Variants in PRKN observed in about 807,000 individuals in gnomAD.
PRKN encodes E3 ubiquitin-protein ligase parkin.
PRKN carries 56 observed loss-of-function variants against 59.5 expected under a neutral mutation model. That is an observed-to-expected ratio of 0.94 (90% CI 0.76 to 1.18). The LOEUF is 1.18. Ranked by LOEUF, PRKN falls within the 50% of genes most tolerant of loss-of-function variation. The pLI, the probability that PRKN is intolerant of heterozygous loss-of-function variation, is 0.00. For missense variants in PRKN, 657 were observed against 596.4 expected (o/e 1.10, Z -1.06); for synonymous variants, 250 against 222.1 (o/e 1.13, Z -1.12).
chr6:162,505,318 T>C (rs552365628), intron 1 of PRKN, among the ~76,000 whole-genome samples: 60 of 152,326 alleles, frequency 3.9e-4, no homozygotes, highest in African/African-American at 1.3e-3. Context: ...AATGATTACA[T>C]GCATTGTGGT....
At chr6:162,558,601 T>C (rs1469098065) in intron 1 of PRKN, among the ~76,000 whole-genome samples, 2 of 152,122 alleles carry the variant, frequency 1.3e-5, no homozygotes, top group Non-Finnish European at 2.9e-5. Flanking sequence ...AGTGCTGGGA[T>C]TACAGGCATG....
intron 1 of PRKN, among the ~76,000 whole-genome samples, chr6:162,562,472 T>A (rs2128206486): frequency 6.6e-6 from 1 of 152,214 alleles, no homozygotes; most frequent in African/African-American, 2.4e-5. Context: ...TCCACTGCTC[T>A]GAAGGGTGAG....
chr6:162,440,473 T>C (rs1789998944), intron 2 of PRKN, among the ~76,000 whole-genome samples: 1 of 152,200 alleles, frequency 6.6e-6, no homozygotes, highest in Non-Finnish European at 1.5e-5. Context: ...TACTGCTCAG[T>C]ATGTGGGGTG....
At chr6:162,011,646 A>T (rs1482729479) in intron 5 of PRKN, among the ~76,000 whole-genome samples, 1 of 147,774 alleles carries the variant, frequency 6.8e-6, no homozygotes, top group Non-Finnish European at 1.5e-5. Context: ...TTATTGTTAC[A>T]GCAAAAACCT....
intron 1 of PRKN, among the ~76,000 whole-genome samples, chr6:162,588,381 C>T (rs976676167): frequency 4.7e-5 from 7 of 150,068 alleles, no homozygotes; most frequent in Non-Finnish European, 1.0e-4. Context: ...ATGTAATATT[C>T]CTCACATTAA....
intron 3 of PRKN, among the ~76,000 whole-genome samples, chr6:162,249,415 G>T (rs1779333954): frequency 6.6e-6 from 1 of 152,116 alleles, no homozygotes; most frequent in African/African-American, 2.4e-5. Context: ...AAACACAGCG[G>T]CACGCTAGTC....
rs9365371 is a variant in PRKN at position 162,095,928 on chromosome 6, T to C, written c.535-41754A>G. On this transcript the variant is annotated intron_variant, in intron 4 of 11. Coordinates refer to ENST00000366898, the MANE Select transcript of PRKN (RefSeq NM_004562.3). ...GAGAGGATAAAGTTAAAGAAGATCC[T>C]GGACACACACCCACAGTGCCTAACA... Among the ~76,000 whole-genome samples, 6,643 of 152,260 alleles carry C rather than the reference T, an allele frequency of 0.044. 911 individuals are homozygous for C. In the East Asian group the frequency reaches 0.55, roughly 13 times the overall value.
chr6:162,279,964 T>C (rs1780812455), intron 2 of PRKN, among the ~76,000 whole-genome samples: 1 of 152,184 alleles, frequency 6.6e-6, no homozygotes, highest in Non-Finnish European at 1.5e-5. Context: ...GTTGGTTTAA[T>C]GTCTGTTTTA....
At position 161,709,979 on chromosome 6, in the gene PRKN, C is replaced by A. The variant is rs964181357; in HGVS notation, c.871+75793G>T. On this transcript the variant is annotated intron_variant, in intron 7 of 11. Transcript: ENST00000366898. The stretch of plus-strand genomic sequence containing the variant: ...TATCACTCTTCCTCAACAGTCAGTG[C>A]TTCATGGAGATTTCAGTGAGCTTTC... Among the ~76,000 whole-genome samples the A allele has an allele frequency of 2.0e-5, 3 of 152,052 alleles. No homozygotes were observed. The South Asian group carries it at 6.2e-4, about 32-fold the overall frequency.
chr6:161,634,128 T>C (rs35265056), intron 7 of PRKN, among the ~76,000 whole-genome samples: 44,442 of 151,824 alleles, frequency 0.29, 7,068 homozygotes, highest in Middle Eastern at 0.44. Flanking sequence ...TTCTGTCCCA[T>C]AGGTGAGTCA....
At position 162,443,393 on chromosome 6, in the gene PRKN, C is replaced by T. The variant is rs1790157119; in HGVS notation, c.88G>A (p.Val30Ile). 4 of 1,614,050 alleles carry T rather than the reference C, an allele frequency of 2.5e-6. No individual in the cohort carries two copies. The highest frequency in any genetic ancestry group is 3.4e-6 in the Non-Finnish European group (4 of 1,180,020). Residue 30 changes from valine (V) to isoleucine (I), a missense_variant, in exon 2 of 12, where the codon GTT becomes ATT. Coordinates refer to ENST00000366898, the MANE Select transcript of PRKN (RefSeq NM_004562.3). ...DTSIFQLKEV[V>I]AKRQGVPADQ... is the part of the protein sequence containing the mutation. ...GCCGGAACCCCCTGTCGCTTAGCAA[C>T]CACCTCCTTGAGCTGGAAGATGCTG...
intron 5 of PRKN, among the ~76,000 whole-genome samples, chr6:162,026,488 C>T (rs1783439889): frequency 6.6e-6 from 1 of 152,184 alleles, no homozygotes; most frequent in Admixed American, 6.5e-5. Context: ...GCTCTTCATG[C>T]ATTAAGACAC....
intron 2 of PRKN, among the ~76,000 whole-genome samples, chr6:162,269,237 A>C (rs559396275): frequency 2.2e-4 from 33 of 152,262 alleles, no homozygotes; most frequent in African/African-American, 7.5e-4. Flanking sequence ...CTGTTACCAG[A>C]CAATACCGTC....
At chr6:162,365,022 T>C (rs1785359465) in intron 2 of PRKN, among the ~76,000 whole-genome samples, 2 of 151,452 alleles carry the variant, frequency 1.3e-5, no homozygotes, top group African/African-American at 4.9e-5. Context: ...GGATTTTCTT[T>C]GGCTAAAAAC....
Position 161,363,301 on chromosome 6 carries a change from G to A in PRKN, c.1168-3096C>T, listed in dbSNP as rs1406360204. Among the ~76,000 whole-genome samples, 1 of 152,076 alleles carries A rather than the reference G, an allele frequency of 6.6e-6. No homozygotes were observed. Among genetic ancestry groups the A allele is most frequent in the Non-Finnish European group, 1.5e-5 (1 of 68,002 alleles). ...TGTTATATTTAAATAAATAAATAAA[G>A]GTGATGATAATGGAATAAGAGACTG... On this transcript the variant is annotated intron_variant, in intron 10 of 11. Coordinates refer to ENST00000366898, the MANE Select transcript of PRKN (RefSeq NM_004562.3). This position sits in a 1 kb window ranked among gnomAD's most constrained non-coding sequence, Gnocchi z 4.1.
At chr6:162,658,529 C>A (rs189914512) in intron 1 of PRKN, among the ~76,000 whole-genome samples, 1 of 151,494 alleles carries the variant, frequency 6.6e-6, no homozygotes, top group Non-Finnish European at 1.5e-5. Flanking sequence ...GGCATGATGG[C>A]GGGTGACTGT....
rs140718152 is a variant in PRKN, at chr6:161,427,097, C to T, written c.1084-40220G>A. Among the ~76,000 whole-genome samples, 779 of 152,160 alleles carry T rather than the reference C, an allele frequency of 5.1e-3. 5 individuals are homozygous for T. The highest frequency in any genetic ancestry group is 0.018 in the African/African-American group (749 of 41,466). On this transcript the variant is annotated intron_variant, in intron 9 of 11. Coordinates refer to ENST00000366898, the MANE Select transcript of PRKN (RefSeq NM_004562.3). ...GCAGTGGCGTGATCATAGCTCACTG[C>T]AGCCTCCACCTCTCCAGTTCAAGCA...
At chr6:161,906,813 CCCGAAG>C (rs1778167935) in intron 6 of PRKN, among the ~76,000 whole-genome samples, 1 of 151,792 alleles carries the variant, frequency 6.6e-6, no homozygotes, top group African/African-American at 2.4e-5. Flanking sequence ...GTCCAAAAGC[CCCGAAG>C]CTGAAGAACT....
chr6:162,434,412 G>A (rs1236386513), intron 2 of PRKN, among the ~76,000 whole-genome samples: 1 of 152,004 alleles, frequency 6.6e-6, no homozygotes, highest in African/African-American at 2.4e-5. Context: ...GGCTACTATG[G>A]CAATCTTCAC....
Sources: gnomAD v4.1 joint callset for allele counts (sites outside exome capture counted in the v4.1 genomes callset) on GRCh38, gnomAD v4.1.1 for gene constraint, Gnocchi (gnomAD v3.1) non-coding constraint, MANE v1.5 for transcripts, NCBI Gene and HGNC (gene_info 2026-07-23, HGNC 2026-07-21) for gene names.